GALNTL6: variants seen among roughly 807,000 people sequenced by gnomAD.
GALNTL6 encodes the protein polypeptide N-acetylgalactosaminyltransferase-like 6.
In GALNTL6, 46 loss-of-function variants were observed where a neutral mutation model predicts 73.7. The observed-to-expected ratio is 0.62, with a 90% CI of 0.49 to 0.80. GALNTL6 has a LOEUF of 0.80. Ranked by LOEUF, GALNTL6 falls within the 30% of genes least tolerant of loss-of-function variation. The probability of loss-of-function intolerance (pLI) is 0.00; values close to 1 mark genes in which losing one functional copy is unlikely to be tolerated. For synonymous variants in GALNTL6, 259 were observed against 263.7 expected, an observed-to-expected ratio of 0.98 and a Z score of 0.17; for missense variants, 604 against 755.0, an observed-to-expected ratio of 0.80 and a Z score of 2.34.
intron 10 of GALNTL6, among the ~76,000 whole-genome samples, chr4:172,995,772 G>A (rs901588263): frequency 6.6e-6 from 1 of 152,172 alleles, no homozygotes; most frequent in African/African-American, 2.4e-5. Flanking sequence ...TTAAATGCCT[G>A]CTTTCATGTT....
intron 5 of GALNTL6, among the ~76,000 whole-genome samples, chr4:172,379,852 A>G (rs1053192933): frequency 6.6e-6 from 1 of 152,102 alleles, no homozygotes; most frequent in African/African-American, 2.4e-5. Context: ...ATACTTTTTG[A>G]CAGTGAATCA....
intron 5 of GALNTL6, among the ~76,000 whole-genome samples, chr4:172,587,188 A>G (rs1046744335): frequency 6.6e-6 from 1 of 152,192 alleles, no homozygotes; most frequent in Admixed American, 6.5e-5. Flanking sequence ...AAGAACACTA[A>G]CAGATATGAA....
intron 2 of GALNTL6, among the ~76,000 whole-genome samples, chr4:172,075,169 T>G (rs1033048332): frequency 2.0e-5 from 3 of 152,182 alleles, no homozygotes; most frequent in Non-Finnish European, 4.4e-5. Context: ...TTTCATTTAT[T>G]TTTTCTATGA....
chr4:172,002,378 G>A (rs1265106055), intron 2 of GALNTL6, among the ~76,000 whole-genome samples: 1 of 152,082 alleles, frequency 6.6e-6, no homozygotes, highest in Non-Finnish European at 1.5e-5. Flanking sequence ...TGAAAAGACA[G>A]CTGTCTATAT....
At chr4:172,524,935 ACTAT>A (rs952502721) in intron 5 of GALNTL6, among the ~76,000 whole-genome samples, 2 of 152,258 alleles carry the variant, frequency 1.3e-5, no homozygotes, top group African/African-American at 4.8e-5. Flanking sequence ...ATTTATATCC[ACTAT>A]CTAGCTGTCA....
chr4:172,518,227 C>G (rs1448494220), intron 5 of GALNTL6, among the ~76,000 whole-genome samples: 1 of 151,928 alleles, frequency 6.6e-6, no homozygotes, highest in Admixed American at 6.6e-5. Context: ...ATTTTTTCAT[C>G]TATTTTTCTT....
chr4:173,008,862 T>A (rs1235663598), intron 10 of GALNTL6, among the ~76,000 whole-genome samples: 2 of 152,064 alleles, frequency 1.3e-5, no homozygotes, highest in African/African-American at 2.4e-5. Context: ...ATAGGAACAA[T>A]GGAGATGCAA....
intron 7 of GALNTL6, among the ~76,000 whole-genome samples, chr4:172,819,395 GA>G (rs1453505783): frequency 6.6e-6 from 1 of 152,088 alleles, no homozygotes; most frequent in Non-Finnish European, 1.5e-5. Flanking sequence ...AATAAAATCA[GA>G]AAAAAGTACA....
chr4:172,421,927 C>T (rs76357869), intron 5 of GALNTL6, among the ~76,000 whole-genome samples: 1,299 of 123,906 alleles, frequency 0.01, 18 homozygotes, highest in African/African-American at 0.032. Flanking sequence ...ATTTTTGAAC[C>T]GTTTCTAGCT....
At chr4:172,953,383 G>C (rs554424477) in intron 10 of GALNTL6, among the ~76,000 whole-genome samples, 22 of 152,334 alleles carry the variant, frequency 1.4e-4, no homozygotes, top group African/African-American at 4.6e-4. Context: ...ATGAAGGCTA[G>C]ATGTTCACAC....
intron 8 of GALNTL6, among the ~76,000 whole-genome samples, chr4:172,924,181 C>G (rs1458314027): frequency 2.6e-5 from 4 of 152,212 alleles, no homozygotes; most frequent in African/African-American, 9.6e-5. Context: ...CATTCTCTTT[C>G]AGCAGCCCGC....
intron 3 of GALNTL6, among the ~76,000 whole-genome samples, chr4:172,297,818 T>C (rs1160724712): frequency 6.6e-6 from 1 of 152,112 alleles, no homozygotes; most frequent in East Asian, 1.9e-4. Context: ...TGGCTTAGGA[T>C]TGACTTGGCA....
At chr4:171,879,016 C>T (rs1254026916) in intron 2 of GALNTL6, among the ~76,000 whole-genome samples, 2 of 152,108 alleles carry the variant, frequency 1.3e-5, no homozygotes, top group Admixed American at 1.3e-4. Flanking sequence ...TCCTGTACAG[C>T]TTGCAGAACC....
At chr4:172,176,936 T>C (rs1735021583) in intron 2 of GALNTL6, among the ~76,000 whole-genome samples, 1 of 152,228 alleles carries the variant, frequency 6.6e-6, no homozygotes. Flanking sequence ...AATACCCTAC[T>C]GATGAGTTGA....
intron 2 of GALNTL6, among the ~76,000 whole-genome samples, chr4:171,962,798 C>T (rs1428146620): frequency 3.7e-5 from 4 of 107,638 alleles, no homozygotes; most frequent in Admixed American, 1.5e-4. Flanking sequence ...GATGATGTCT[C>T]GCTCTGTCGC....
intron 5 of GALNTL6, among the ~76,000 whole-genome samples, chr4:172,370,150 C>T (rs193243076): frequency 5.0e-4 from 76 of 152,278 alleles, no homozygotes; most frequent in African/African-American, 1.7e-3. Context: ...CAGAGGAGAG[C>T]TCTCTAGGCC....
chr4:172,115,547 TAAG>T (rs1446053052), intron 2 of GALNTL6, among the ~76,000 whole-genome samples: 2 of 152,078 alleles, frequency 1.3e-5, no homozygotes, highest in African/African-American at 4.8e-5. Flanking sequence ...AAGGAGATAA[TAAG>T]AAACTAATGA....
intron 5 of GALNTL6, among the ~76,000 whole-genome samples, chr4:172,551,953 G>T (rs10005077): frequency 0.83 from 126,017 of 151,518 alleles, 52,526 homozygotes; most frequent in Non-Finnish European, 0.87. Context: ...GATAAGTCAG[G>T]AGTATAAAAA....
chr4:172,783,165 A>G (rs1739464162), intron 5 of GALNTL6, among the ~76,000 whole-genome samples: 1 of 151,136 alleles, frequency 6.6e-6, no homozygotes, highest in African/African-American at 2.4e-5. Context: ...AATTTGGTAA[A>G]ATCACATATA....
Sources: gnomAD v4.1 joint callset for allele counts (sites outside exome capture counted in the v4.1 genomes callset) on GRCh38, gnomAD v4.1.1 for gene constraint, MANE v1.5 for transcripts, NCBI Gene and HGNC (gene_info 2026-07-23, HGNC 2026-07-21) for gene names.